Variants in ATP1B4 observed in about 807,000 individuals in gnomAD.
ATP1B4 encodes protein ATP1B4.
A neutral mutation model predicts 29.6 loss-of-function variants in ATP1B4; 32 were observed. The observed-to-expected ratio is 1.08, with a 90% CI of 0.82 to 1.45. The LOEUF is 1.45. Ranked by LOEUF, ATP1B4 falls within the 40% of genes most tolerant of loss-of-function variation. The probability of loss-of-function intolerance (pLI) is 0.00; values close to 1 mark genes in which losing one functional copy is unlikely to be tolerated. For missense variants in ATP1B4, 323 were observed against 276.2 expected (o/e 1.17, Z -1.20); for synonymous variants, 127 against 102.1 (o/e 1.24, Z -1.47).
intron 4 of ATP1B4, among the ~76,000 whole-genome samples, chrX:120,374,222 C>T (rs975319569): frequency 1.3e-4 from 14 of 109,872 alleles, no homozygotes; most frequent in South Asian, 7.8e-4. Context: ...TGCAGTGCCC[C>T]GCCAGTGGAG....
chrX:120,368,487 G>C (rs1347520192), intron 2 of ATP1B4, among the ~76,000 whole-genome samples: 1 of 111,828 alleles, frequency 8.9e-6, no homozygotes, highest in East Asian at 2.8e-4. Context: ...GAAACTCTAT[G>C]TTATTTTATT....
chrX:120,366,369 G>C (rs1041684983), intron 1 of ATP1B4, among the ~76,000 whole-genome samples, 156 bp from the exon 2 acceptor site: 1 of 112,202 alleles, frequency 8.9e-6, no homozygotes, highest in Non-Finnish European at 1.9e-5. Context: ...TAGGGAGAAA[G>C]AAAATCCACC....
chrX:120,375,658 A>G, intron 5 of ATP1B4, 90 bp downstream of exon 5: 1 of 801,473 alleles, frequency 1.2e-6, no homozygotes, highest in South Asian at 2.9e-5. Flanking sequence ...CTCTGTCTTC[A>G]CACACCACAG....
At chrX:120,376,106 G>C (rs1240590867) in intron 5 of ATP1B4, among the ~76,000 whole-genome samples, 1 of 111,211 alleles carries the variant, frequency 9.0e-6, no homozygotes, top group Non-Finnish European at 1.9e-5. Context: ...CACCTCTCTT[G>C]AAATTAGAAA....
In ATP1B4 at chrX:120,370,783, A is replaced by T; in HGVS notation, c.397A>T (p.Thr133Ser). Reference sequence around the variant, plus strand: ...TGCTGTGATCACCCTCTGCATGTACACACTATTTCTGACCATCAGTCCCTA... The same window carrying T: ...TGCTGTGATCACCCTCTGCATGTACTCACTATTTCTGACCATCAGTCCCTA... ...LAAVITLCMY[T>S]LFLTISPYIP... The change falls in exon 3 of 8, where the codon ACA (threonine) becomes TCA (serine). Residue 133 changes from threonine to serine, a missense_variant. Transcript: ENST00000218008. 1 of 1,211,130 alleles carries T rather than the reference A, an allele frequency of 8.3e-7. No individual in the cohort carries two copies. The highest frequency in any genetic ancestry group is 1.1e-6 in the Non-Finnish European group (1 of 895,231).
chrX:120,366,678 G>A lies in ATP1B4; in HGVS notation c.217G>A (p.Gly73Ser). The change falls in exon 2 of 8, where the codon GGT becomes AGT. Residue 73 changes from glycine to serine, a missense_variant. Coordinates refer to ENST00000218008, the MANE Select transcript of ATP1B4 (RefSeq NM_001142447.3). ...EEEEEKEEEE[G>S]QGQPTGNAWW... ...AGAGGAGGAAAAGGAGGAGGAAGAG[G>A]GTCAAGGTCAGCCAACAGGCAATGC... 1.7e-6 allele frequency: 2 copies of A among 1,210,854 alleles called. No individual in the cohort carries two copies. The highest frequency in any genetic ancestry group is 1.1e-6 in the Non-Finnish European group (1 of 895,129).
intron 2 of ATP1B4, 110 bp downstream of exon 2, chrX:120,366,899 C>T: frequency 9.1e-7 from 1 of 1,098,075 alleles, no homozygotes; most frequent in Non-Finnish European, 1.2e-6. Context: ...CTTCTCTTTG[C>T]ACTTCATGTA....
intron 1 of ATP1B4, among the ~76,000 whole-genome samples, chrX:120,362,501 A>C (rs2058267127): frequency 8.9e-6 from 1 of 111,807 alleles, no homozygotes. Flanking sequence ...TGGCTTCTAA[A>C]ATCTTTTCCT....
At chrX:120,368,693 T>C (rs1214154054) in intron 2 of ATP1B4, among the ~76,000 whole-genome samples, 1 of 111,750 alleles carries the variant, frequency 8.9e-6, no homozygotes, top group Non-Finnish European at 1.9e-5. Flanking sequence ...TTTCATGAAC[T>C]CTAACAATGA....
intron 6 of ATP1B4, among the ~76,000 whole-genome samples, chrX:120,376,815 C>T (rs2058358847): frequency 8.9e-6 from 1 of 112,666 alleles, no homozygotes; most frequent in African/African-American, 3.2e-5. Context: ...AAACAAACAG[C>T]TTTCATTAGA....
Position 120,379,590 on chromosome X carries a change from C to T in ATP1B4, c.1030C>T (p.Arg344Cys), listed in dbSNP as rs748728819. The T allele has an allele frequency of 8.2e-5, 99 of 1,208,977 alleles. No individual in the cohort carries two copies. Among genetic ancestry groups the T allele is most frequent in the East Asian group, 1.5e-4 (5 of 33,678 alleles). The change falls in exon 8 of 8, where the codon CGT becomes TGT. Residue 344 changes from arginine (R) to cysteine (C), a missense_variant. Arg to Cys is a radical substitution (Grantham distance 180). Transcript: ENST00000218008. ...CGTCATAAATGATGTCATCAATGAT[C>T]GTTTTGTGGGCAGGGTAATCTTTAC... ...KGVINDVINDRFVGRVIFTLN... is the reference protein window; with the variant it reads ...KGVINDVINDCFVGRVIFTLN...
chrX:120,366,577 CAGA>C lies in ATP1B4; in HGVS notation c.123_125del (p.Glu42del). The C allele has an allele frequency of 8.3e-7, 1 of 1,204,175 alleles. No individual in the cohort carries two copies. On this transcript the variant is annotated inframe_deletion, in exon 2 of 8. Transcript: ENST00000218008. Reference sequence around the variant, plus strand: ...TACTTAGCAGATGAAGAGGAGGAAGCAGAAGAAGAGGCTCGGGTGACGGTGGTG... The same window carrying C: ...TACTTAGCAGATGAAGAGGAGGAAGCAGAAGAGGCTCGGGTGACGGTGGTG...
At chrX:120,376,244 A>G in intron 5 of ATP1B4, 136 bp from the exon 6 acceptor site, 1 of 549,132 alleles carries the variant, frequency 1.8e-6, no homozygotes, top group Non-Finnish European at 2.9e-6. Context: ...GCTTTTTGTA[A>G]CATTTCTGAG....
rs756006222 is a variant in ATP1B4 at position 120,366,559 on chromosome X, C to T, written c.98C>T (p.Ala33Val). 1 of 1,204,937 alleles carries T rather than the reference C, an allele frequency of 8.3e-7. No homozygotes were observed. The highest frequency in any genetic ancestry group is 1.1e-6 in the Non-Finnish European group (1 of 892,330). The change falls in exon 2 of 8, where the codon GCA becomes GTA. Residue 33 changes from alanine to valine, a missense_variant. Physicochemically the swap from Ala to Val is moderately conservative, Grantham distance 64. Coordinates refer to ENST00000218008, the MANE Select transcript of ATP1B4 (RefSeq NM_001142447.3). ...GATGAAGCGAACCAGAACTACTTAG[C>T]AGATGAAGAGGAGGAAGCAGAAGAA... ...DPDEANQNYL[A>V]DEEEEAEEEA... is the part of the protein sequence containing the mutation.
chrX:120,371,009 T>G, intron 3 of ATP1B4, 97 bp from the exon 4 acceptor site: 2 of 1,031,600 alleles, frequency 1.9e-6, no homozygotes, highest in Non-Finnish European at 2.7e-6. Flanking sequence ...GTTCTTTTCA[T>G]TTTGATTGCC....
Position 120,375,534 on chromosome X carries a change from C to G in ATP1B4, c.725C>G (p.Thr242Ser). The G allele has an allele frequency of 4.1e-6, 5 of 1,209,622 alleles. No homozygotes were observed. Among genetic ancestry groups the G allele is most frequent in the Admixed American group, 2.2e-5 (1 of 45,669 alleles). ...GAGGACCCAACTTTTGGATACTCTA[C>G]TGGACAGCCCTGCATCCTTCTAAAG... ...GLEDPTFGYSTGQPCILLKMN... is the reference protein window; with the variant it reads ...GLEDPTFGYSSGQPCILLKMN... The change falls in exon 5 of 8, where the codon ACT (threonine) becomes AGT (serine). Residue 242 changes from threonine to serine, a missense_variant. Physicochemically the swap from Thr to Ser is moderately conservative, Grantham distance 58. Transcript: ENST00000218008.
rs1259413124 is a variant in ATP1B4, at chrX:120,379,708, T to A, written c.*74T>A. The A allele has an allele frequency of 1.9e-6, 2 of 1,041,892 alleles. No individual in the cohort carries two copies. The highest frequency in any genetic ancestry group is 4.7e-5 in the South Asian group (2 of 43,002). 85.9% of individuals were successfully genotyped at this position (1,041,892 alleles called of 1,213,427 possible). On this transcript the variant is annotated 3_prime_UTR_variant, in exon 8 of 8. Coordinates refer to ENST00000218008, the MANE Select transcript of ATP1B4 (RefSeq NM_001142447.3). ...GGTATCTCTGGTAGCACCTGAATTC[T>A]TTTTCTTCAATTAGGACACAGCCAG...
chrX:120,371,119 A>G lies in ATP1B4; in HGVS notation c.471A>G (p.Arg157=), dbSNP rs1412430299. ...ERVKPPGVMI[R]PFAHSLNFNF... ...TTTCATTGCCAGGAGTTATGATCAGACCCTTCGCCCATAGCCTTAACTTCA... is the reference window on the plus strand; with the variant it reads ...TTTCATTGCCAGGAGTTATGATCAGGCCCTTCGCCCATAGCCTTAACTTCA... Residue 157 remains arginine (R), a synonymous_variant, in exon 4 of 8, where the codon AGA becomes AGG. Transcript: ENST00000218008. The G allele has an allele frequency of 8.3e-7, 1 of 1,209,750 alleles. No individual in the cohort carries two copies. Among genetic ancestry groups the G allele is most frequent in the Non-Finnish European group, 1.1e-6 (1 of 893,677 alleles).
chrX:120,374,786 T>TATATAATATATA (rs1491129477), intron 4 of ATP1B4, among the ~76,000 whole-genome samples: 1 of 403 alleles, frequency 2.5e-3, no homozygotes, highest in African/African-American at 5.7e-3. Context: ...TATATATATA[T>TATATAATATATA]TATATACCCT....
Sources: allele counts gnomAD v4.1 joint callset (sites outside exome capture counted in the v4.1 genomes callset), GRCh38; gene constraint gnomAD v4.1.1; transcripts MANE v1.5; gene names NCBI Gene and HGNC (gene_info 2026-07-23, HGNC 2026-07-21).